The following RAPGEF1 variants were observed in gnomAD, a reference collection of about 807,000 sequenced individuals.
RAPGEF1 encodes Rap guanine nucleotide exchange factor 1.
In RAPGEF1, 33 loss-of-function variants were observed where a neutral mutation model predicts 143.3. That is an observed-to-expected ratio of 0.23 (90% CI 0.17 to 0.31). The LOEUF (loss-of-function observed/expected upper bound fraction) is 0.31, where lower values mean the gene tolerates loss of function less well. RAPGEF1 is among the 10% of genes least tolerant of loss of function. RAPGEF1 has a pLI of 1.00. For synonymous variants in RAPGEF1, 629 were observed against 676.5 expected, an observed-to-expected ratio of 0.93 and a Z score of 1.09; for missense variants, 1,199 against 1,645.4, an observed-to-expected ratio of 0.73 and a Z score of 4.69.
chr9:131,710,226 AAAC>A (rs1835413058), intron 1 of RAPGEF1, among the ~76,000 whole-genome samples: 1 of 152,178 alleles, frequency 6.6e-6, no homozygotes, highest in Non-Finnish European at 1.5e-5. Context: ...CTGTCAGAGA[AAAC>A]AAGCTGATTT....
intron 1 of RAPGEF1, among the ~76,000 whole-genome samples, chr9:131,720,364 T>G (rs1049662881): frequency 1.3e-5 from 2 of 152,222 alleles, no homozygotes; most frequent in African/African-American, 4.8e-5. Context: ...GGTAAGTCCC[T>G]ATGACCCTTC....
chr9:131,598,306 G>C lies in RAPGEF1; in HGVS notation c.2506C>G (p.Pro836Ala). ...KDSRDGSERA[P>A]KSPDALESAQ... ...GACTCCAGAGCATCTGGTGACTTTG[G>C]GGCCCTGCGGGGAGAAGTGGTTTGT... The change falls in exon 16 of 27, where the codon CCA (proline) becomes GCA (alanine). Residue 836 changes from proline (P) to alanine (A), a missense_variant. Physicochemically the swap from Pro to Ala is conservative, Grantham distance 27. Transcript: ENST00000683357. The C allele has an allele frequency of 6.2e-7, 1 of 1,613,514 alleles. No homozygotes were observed.
chr9:131,661,336 A>C (rs1232804015), intron 1 of RAPGEF1, among the ~76,000 whole-genome samples: 3 of 152,368 alleles, frequency 2.0e-5, no homozygotes, highest in Non-Finnish European at 1.5e-5. Context: ...TCAAAAGAGT[A>C]CATTTTATAC....
Position 131,586,718 on chromosome 9 carries a change from C to T in RAPGEF1, c.3233+1018G>A, listed in dbSNP as rs1425127735. ...CAAACACACACACACACCTGCAGAG[C>T]GAGACTCCGTCTCACACACACACCT... On this transcript the variant is annotated intron_variant, in intron 22 of 26. Coordinates refer to ENST00000683357, the MANE Select transcript of RAPGEF1 (RefSeq NM_001377935.1). Among the ~76,000 whole-genome samples, 5 of 101,902 alleles carry T rather than the reference C, an allele frequency of 4.9e-5. No individual in the cohort carries two copies. The East Asian group carries it at 1.0e-3, about 20-fold the overall frequency. The allele number at this position is 101,902 out of a possible 152,430, so 66.9% of individuals were successfully genotyped here.
chr9:131,698,301 G>C (rs568860589), intron 1 of RAPGEF1, among the ~76,000 whole-genome samples: 2 of 152,318 alleles, frequency 1.3e-5, no homozygotes, highest in East Asian at 3.9e-4. Context: ...TGCAGGAAGG[G>C]AAAATAGGGA....
intron 1 of RAPGEF1, among the ~76,000 whole-genome samples, chr9:131,679,127 C>A (rs1832696976): frequency 6.6e-6 from 1 of 150,590 alleles, no homozygotes; most frequent in Admixed American, 6.6e-5. Context: ...GCTGGAAACT[C>A]ACACGAGGAA....
intron 1 of RAPGEF1, among the ~76,000 whole-genome samples, chr9:131,708,854 A>G (rs937159823): frequency 2.0e-5 from 3 of 151,824 alleles, no homozygotes; most frequent in Non-Finnish European, 4.4e-5. Context: ...TCTCAGCCTT[A>G]TGCCTGTAGC....
rs1554815926 is a variant in RAPGEF1, at chr9:131,604,883, G to GC, written c.2319+47_2319+48insG. 22 of 1,250,246 alleles carry GC rather than the reference G, an allele frequency of 1.8e-5. No individual in the cohort carries two copies. The African/African-American group carries it at 3.2e-4, about 18-fold the overall frequency. 77.4% of individuals were successfully genotyped at this position (1,250,246 alleles called of 1,614,324 possible). A position where few individuals can be genotyped will look rare whatever the true frequency, so the allele number is the denominator to read the frequency against. ...TAAAAAACGTGCAGCCCCATGTGCA[G>GC]GGGTGTGTGTGTGTGTGTGTGTGTG... is the stretch of plus-strand genomic sequence containing the variant. On this transcript the variant is annotated intron_variant, in intron 13 of 26. Transcript: ENST00000683357.
At chr9:131,677,100 T>G (rs1007975482) in intron 1 of RAPGEF1, among the ~76,000 whole-genome samples, 4 of 152,210 alleles carry the variant, frequency 2.6e-5, no homozygotes, top group African/African-American at 9.6e-5. Context: ...AAACAAATAT[T>G]TACAAAGTTT....
chr9:131,642,598 A>AT (rs752888315), intron 4 of RAPGEF1, among the ~76,000 whole-genome samples: 27 of 152,302 alleles, frequency 1.8e-4, no homozygotes, highest in Admixed American at 4.6e-4. Context: ...GCCTGTTTGG[A>AT]TAAGGCCCGC....
At chr9:131,580,536 C>T (rs1211515311) in intron 25 of RAPGEF1, 145 bp from the exon 26 acceptor site, 1 of 1,038,410 alleles carries the variant, frequency 9.6e-7, no homozygotes, top group Non-Finnish European at 1.4e-6. Context: ...GTGTCTGTTT[C>T]CCAGAACAAA....
intron 3 of RAPGEF1, among the ~76,000 whole-genome samples, chr9:131,649,200 A>ATTTTTTTTTTTTTTTTTTTTTTTTTTTT (rs55813422): frequency 1.1e-5 from 1 of 87,236 alleles, no homozygotes; most frequent in Non-Finnish European, 2.1e-5. Context: ...GCCTGGCTAA[A>ATTTTTTTTTTTTTTTTTTTTTTTTTTTT]TTTTTTTTTT....
chr9:131,605,708 C>T (rs1957013072), intron 12 of RAPGEF1, among the ~76,000 whole-genome samples: 1 of 152,042 alleles, frequency 6.6e-6, no homozygotes, highest in Non-Finnish European at 1.5e-5. Flanking sequence ...TATGGAAATG[C>T]TAACGATGTC....
At position 131,626,432 on chromosome 9, in the gene RAPGEF1, C is replaced by T. The variant is rs1963072545; in HGVS notation, c.1202-10G>A. 1 of 1,558,924 alleles carries T rather than the reference C, an allele frequency of 6.4e-7. No homozygotes were observed. The highest frequency in any genetic ancestry group is 8.7e-7 in the Non-Finnish European group (1 of 1,149,990). ...TCGGGATCATAGTGGTCTGCAGTTA[C>T]AACAGGGGAAAAAGAGACCCGTTAG... On this transcript the variant is annotated splice_polypyrimidine_tract_variant and intron_variant, in intron 9 of 26. Transcript: ENST00000683357.
intron 12 of RAPGEF1, among the ~76,000 whole-genome samples, chr9:131,607,753 G>A (rs1024111762): frequency 6.6e-6 from 1 of 152,178 alleles, no homozygotes; most frequent in Non-Finnish European, 1.5e-5. Flanking sequence ...AGTTTAAGGA[G>A]TCATGTTCCG....
At chr9:131,737,534 A>G in intron 1 of RAPGEF1, 3 of 1,610,900 alleles carry the variant, frequency 1.9e-6, no homozygotes, top group Non-Finnish European at 2.5e-6. Flanking sequence ...GGTGCCCAGA[A>G]AAGGCCCAAG....
intron 5 of RAPGEF1, among the ~76,000 whole-genome samples, chr9:131,635,719 G>A (rs1193950123): frequency 6.6e-6 from 1 of 151,860 alleles, no homozygotes; most frequent in Non-Finnish European, 1.5e-5. Context: ...AGCTCAGGGT[G>A]TCATGGTGCA....
chr9:131,731,239 C>T (rs754056667), intron 1 of RAPGEF1, among the ~76,000 whole-genome samples: 1 of 152,088 alleles, frequency 6.6e-6, no homozygotes, highest in Non-Finnish European at 1.5e-5. Flanking sequence ...TATACAGAAG[C>T]GAGCCTGGTA....
At chr9:131,651,539 A>G (rs1224187310) in intron 1 of RAPGEF1, among the ~76,000 whole-genome samples, 1 of 152,236 alleles carries the variant, frequency 6.6e-6, no homozygotes, top group African/African-American at 2.4e-5. Flanking sequence ...ACCTAAATGT[A>G]AGAGTTACAA....
Sources: gnomAD v4.1 joint callset for allele counts (sites outside exome capture counted in the v4.1 genomes callset) on GRCh38, gnomAD v4.1.1 for gene constraint, MANE v1.5 for transcripts, NCBI Gene and HGNC (gene_info 2026-07-23, HGNC 2026-07-21) for gene names.